PHKA1: variants seen among roughly 807,000 people sequenced by gnomAD.
PHKA1 encodes the protein phosphorylase b kinase regulatory subunit alpha, skeletal muscle isoform.
Under a neutral mutation model 110.2 loss-of-function variants are expected in PHKA1, and 60 were observed. The ratio of observed to expected loss-of-function variants is 0.54; its 90% confidence interval spans 0.44 to 0.68. PHKA1 has a LOEUF of 0.68. Among genes scored for constraint, PHKA1 ranks in the 30% least tolerant of loss-of-function variants. The pLI is 0.00. For synonymous variants in PHKA1, 316 were observed against 333.6 expected, an observed-to-expected ratio of 0.95 and a Z score of 0.58; for missense variants, 801 against 942.5, an observed-to-expected ratio of 0.85 and a Z score of 1.97.
At position 72,635,239 on chromosome X, in the gene PHKA1, T is replaced by C. The variant is rs782168282; in HGVS notation, c.1630A>G (p.Arg544Gly). The change falls in exon 16 of 32, where the codon AGA (arginine) becomes GGA (glycine). Residue 544 changes from arginine to glycine, a missense_variant. By Grantham distance (125) the Arg-to-Gly change is moderately radical. Transcript: ENST00000373542. ...CTACAGAGGTAGGAGAGGTCTGTTC[T>C]AAGCATTTCCACTATCATCTTGTTG... Reference protein sequence around the residue: ...LDNKMIVEMLRTDLSYLCSRW... With the variant: ...LDNKMIVEMLGTDLSYLCSRW... 3 of 1,209,079 alleles carry C rather than the reference T, an allele frequency of 2.5e-6. No individual in the cohort carries two copies. The African/African-American group carries it at 5.2e-5, about 21-fold the overall frequency.
At chrX:72,687,612 T>G (rs1239101122) in intron 4 of PHKA1, among the ~76,000 whole-genome samples, 1 of 111,082 alleles carries the variant, frequency 9.0e-6, no homozygotes, top group Non-Finnish European at 1.9e-5. Flanking sequence ...CTGTCATTGC[T>G]TCCCCTTTTC....
chrX:72,582,052 T>C (rs1556202906), intron 31 of PHKA1, among the ~76,000 whole-genome samples: 4 of 112,297 alleles, frequency 3.6e-5, no homozygotes, highest in Admixed American at 9.4e-5. Context: ...TGCCATCCAA[T>C]AGTTTCTTAT....
Position 72,593,205 on chromosome X carries a change from C to A in PHKA1, c.3142G>T (p.Asp1048Tyr), listed in dbSNP as rs200283229. ...PSAYDQQSSK[D>Y]SRQGQWQRRR... ...CGTTGCCATTGACCTTGACGACTAT[C>A]TTTAGATGACTGCTGATCATATGCA... Residue 1048 changes from aspartate (D) to tyrosine (Y), a missense_variant, in exon 29 of 32, where the codon GAT becomes TAT. Asp to Tyr is a radical substitution (Grantham distance 160). This residue lies in a region of PHKA1 where 502 missense variants were observed against 519.2 expected (regional missense o/e 0.97). Coordinates refer to ENST00000373542, the MANE Select transcript of PHKA1 (RefSeq NM_002637.4). 8.3e-7 allele frequency: 1 copy of A among 1,198,360 alleles called. No homozygotes were observed. Among genetic ancestry groups the A allele is most frequent in the East Asian group, 3.0e-5 (1 of 33,811 alleles).
intron 6 of PHKA1, among the ~76,000 whole-genome samples, chrX:72,671,864 T>C (rs2053705982): frequency 9.0e-6 from 1 of 111,641 alleles, no homozygotes. Context: ...TAAATGGTGC[T>C]GGGAAAACTG....
chrX:72,586,986 G>C (rs782727713), intron 29 of PHKA1, among the ~76,000 whole-genome samples: 1 of 111,339 alleles, frequency 9.0e-6, no homozygotes, highest in Non-Finnish European at 1.9e-5. Context: ...GGGGAGAATG[G>C]AACCAAGGTG....
At chrX:72,670,465 T>C (rs1199595181) in intron 6 of PHKA1, among the ~76,000 whole-genome samples, 1 of 111,803 alleles carries the variant, frequency 8.9e-6, no homozygotes, top group Non-Finnish European at 1.9e-5. Flanking sequence ...CCAAAAAAAG[T>C]CCAGGACCAG....
chrX:72,660,841 G>C (rs782634890), intron 8 of PHKA1: 4 of 201,661 alleles, frequency 2.0e-5, no homozygotes, highest in African/African-American at 3.0e-5. Context: ...TGTTTTGGTG[G>C]AGAAATAATG....
At position 72,619,070 on chromosome X, in the gene PHKA1, C is replaced by A. The variant is rs782211714; in HGVS notation, c.2229+144G>T. On this transcript the variant is annotated intron_variant, in intron 20 of 31. Transcript: ENST00000373542. ...CAAACTTGCCCAATGTAAAAGTGAA[C>A]TGAAAAGAACATGTATCTTCACCAG... The A allele has an allele frequency of 5.3e-4, 289 of 542,643 alleles. 1 individual carries two copies. Among genetic ancestry groups the A allele is most frequent in the Non-Finnish European group, 3.7e-4 (117 of 312,489 alleles). The allele number at this position is 542,643 out of a possible 1,213,427, so 44.7% of individuals were successfully genotyped here.
intron 10 of PHKA1, among the ~76,000 whole-genome samples, chrX:72,654,371 T>C (rs1255722214): frequency 8.9e-6 from 1 of 112,408 alleles, no homozygotes; most frequent in African/African-American, 3.2e-5. Context: ...ATGGCCACCC[T>C]GGATATGCAA....
Position 72,653,539 on chromosome X carries a change from AAAAG to A in PHKA1, c.1042-13_1042-10del, listed in dbSNP as rs782779526. The A allele has an allele frequency of 1.1e-5, 13 of 1,144,077 alleles. No individual in the cohort carries two copies. In the African/African-American group the frequency reaches 2.1e-4, roughly 19 times the overall value. 94.3% of individuals were successfully genotyped at this position (1,144,077 alleles called of 1,213,427 possible). On this transcript the variant is annotated splice_polypyrimidine_tract_variant and intron_variant, in intron 10 of 31. Transcript: ENST00000373542. ...TCTTTATATTCTTGAACCTGCAGAT[AAAAG>A]AAAGGCAGGAAAAAAAGACTTACAG...
At chrX:72,593,389 T>G (rs1556229083) in intron 28 of PHKA1, 115 bp from the exon 29 acceptor site, 2 of 548,639 alleles carry the variant, frequency 3.6e-6, no homozygotes, top group East Asian at 7.5e-5. Flanking sequence ...CAGGCTGGAG[T>G]GCAGTGGCGT....
At chrX:72,669,075 C>T (rs1458160705) in intron 6 of PHKA1, among the ~76,000 whole-genome samples, 1 of 112,406 alleles carries the variant, frequency 8.9e-6, no homozygotes, top group Non-Finnish European at 1.9e-5. Context: ...TCTCTAAGGC[C>T]TCAGGCAGCC....
chrX:72,670,738 T>C, intron 6 of PHKA1, among the ~76,000 whole-genome samples: 1 of 111,769 alleles, frequency 8.9e-6, no homozygotes, highest in African/African-American at 3.3e-5. Context: ...TTATCCACCA[T>C]GATCAAGTGG....
chrX:72,615,130 G>A (rs782665790), intron 21 of PHKA1, among the ~76,000 whole-genome samples: 84 of 107,814 alleles, frequency 7.8e-4, no homozygotes, highest in Non-Finnish European at 1.4e-3. Flanking sequence ...GGTATTCAAC[G>A]TGCTGAAGGG....
intron 9 of PHKA1, among the ~76,000 whole-genome samples, chrX:72,656,812 G>A (rs1478828399): frequency 9.0e-6 from 1 of 111,467 alleles, no homozygotes; most frequent in African/African-American, 3.3e-5. Context: ...GAGAAGTCAA[G>A]GAGAATAAGG....
intron 14 of PHKA1, among the ~76,000 whole-genome samples, chrX:72,641,993 C>T (rs1603262141): frequency 9.0e-6 from 1 of 111,507 alleles, no homozygotes; most frequent in Non-Finnish European, 1.9e-5. Context: ...AGCATCTAGC[C>T]CAGTGCCTGG....
At chrX:72,592,987 T>C in intron 29 of PHKA1, 117 bp downstream of exon 29, 1 of 535,844 alleles carries the variant, frequency 1.9e-6, no homozygotes, top group Non-Finnish European at 3.4e-6. Flanking sequence ...GTTTTGTCTA[T>C]CTGAGTTATG....
At chrX:72,613,750 A>T (rs1304721013) in intron 21 of PHKA1, among the ~76,000 whole-genome samples, 1 of 111,777 alleles carries the variant, frequency 8.9e-6, no homozygotes, top group African/African-American at 3.3e-5. Context: ...AAATGATCCA[A>T]CCAAGCGATC....
intron 29 of PHKA1, among the ~76,000 whole-genome samples, chrX:72,590,449 T>A (rs1210244690): frequency 2.7e-5 from 3 of 112,298 alleles, no homozygotes; most frequent in African/African-American, 9.7e-5. Context: ...GACTTAAATG[T>A]TAGACCTAAA....
Sources: allele counts gnomAD v4.1 joint callset (sites outside exome capture counted in the v4.1 genomes callset), GRCh38; gene constraint gnomAD v4.1.1; regional missense constraint gnomAD v4.1.1; transcripts MANE v1.5; gene names NCBI Gene and HGNC (gene_info 2026-07-23, HGNC 2026-07-21).